Variants in SGCD observed in about 807,000 individuals in gnomAD.
SGCD encodes the protein sarcoglycan delta, also known as delta-sarcoglycan.
Under a neutral mutation model 36.6 loss-of-function variants are expected in SGCD, and 18 were observed. The ratio of observed to expected loss-of-function variants is 0.49; its 90% confidence interval spans 0.34 to 0.73. The LOEUF (loss-of-function observed/expected upper bound fraction) is 0.73. SGCD is among the 30% of genes least tolerant of loss of function. SGCD has a pLI of 0.01. For synonymous variants in SGCD, 133 were observed against 130.6 expected, an observed-to-expected ratio of 1.02 and a Z score of -0.12; for missense variants, 387 against 346.7, an observed-to-expected ratio of 1.12 and a Z score of -0.92.
intron 7 of SGCD, among the ~76,000 whole-genome samples, chr5:156,676,462 C>G (rs150458613): frequency 3.9e-5 from 6 of 152,182 alleles, no homozygotes; most frequent in African/African-American, 1.4e-4. Context: ...ACAGACACTG[C>G]GAATGAGTTC....
intron 3 of SGCD, among the ~76,000 whole-genome samples, chr5:156,257,199 G>C (rs1270090526): frequency 7.2e-6 from 1 of 139,590 alleles, no homozygotes; most frequent in African/African-American, 2.8e-5. Flanking sequence ...AAAAGGCCAG[G>C]CGCAGTGGCT....
chr5:155,736,448 C>G, the SGCD span, among the ~76,000 whole-genome samples: 1 of 152,188 alleles, frequency 6.6e-6, no homozygotes, highest in African/African-American at 2.4e-5. Flanking sequence ...AGAGGTACCT[C>G]TCTTTATTCC....
chr5:156,687,123 C>T (rs1019441988), intron 7 of SGCD, among the ~76,000 whole-genome samples: 1 of 152,150 alleles, frequency 6.6e-6, no homozygotes, highest in African/African-American at 2.4e-5. Flanking sequence ...TATAGAAATA[C>T]ACCACTGTGA....
intron 1 of SGCD, among the ~76,000 whole-genome samples, chr5:156,114,778 G>A (rs1055590792): frequency 6.6e-6 from 1 of 152,024 alleles, no homozygotes; most frequent in African/African-American, 2.4e-5. Context: ...AAATCAAAAT[G>A]TTTAAAGATA....
chr5:156,329,475 A>T, intron 1 of SGCD, 59 bp from the exon 2 acceptor site: 1 of 1,186,222 alleles, frequency 8.4e-7, no homozygotes, highest in Non-Finnish European at 1.3e-6. Flanking sequence ...CAGATTTCCT[A>T]GGCAAGGAGG....
chr5:156,212,730 C>T (rs1372461823), intron 3 of SGCD, among the ~76,000 whole-genome samples: 1 of 151,980 alleles, frequency 6.6e-6, no homozygotes, highest in Non-Finnish European at 1.5e-5. Context: ...AACATTTTCT[C>T]GGATAGATCA....
chr5:155,852,215 A>T, the SGCD span, among the ~76,000 whole-genome samples: 2 of 152,284 alleles, frequency 1.3e-5, no homozygotes, highest in African/African-American at 4.8e-5. Flanking sequence ...TCACTTTCCA[A>T]GGTGCCTTTT....
At chr5:156,615,446 G>T (rs1761983825) in intron 6 of SGCD, among the ~76,000 whole-genome samples, 1 of 152,090 alleles carries the variant, frequency 6.6e-6, no homozygotes, top group Admixed American at 6.5e-5. Context: ...ATTAGCATAA[G>T]ACTTATAGAA....
At position 156,054,102 on chromosome 5, in the gene SGCD, G is replaced by A. The variant is rs2127581956; in HGVS notation, c.-281-63776G>A. Among the ~76,000 whole-genome samples, 4 of 145,762 alleles carry A rather than the reference G, an allele frequency of 2.7e-5. 2 individuals are homozygous for A. The Middle Eastern group carries it at 0.014, about 524-fold the overall frequency. ...ACAAAGGCAAATCATATATATTTGG[G>A]TGGAGATGTCAAGTAAGAAATTGGG... On this transcript the variant is annotated intron_variant, in intron 1 of 9. Transcript: ENST00000517913.
chr5:156,073,156 C>T (rs910740160), intron 1 of SGCD, among the ~76,000 whole-genome samples: 1 of 152,176 alleles, frequency 6.6e-6, no homozygotes, highest in African/African-American at 2.4e-5. Context: ...TTTCTAGTTT[C>T]ATGAATGAAA....
chr5:156,425,413 T>C (rs1773630204), intron 3 of SGCD, among the ~76,000 whole-genome samples: 1 of 152,094 alleles, frequency 6.6e-6, no homozygotes, highest in Non-Finnish European at 1.5e-5. Flanking sequence ...TTTCTTTCTT[T>C]GCTGAACATA....
chr5:156,675,471 T>C (rs1581380444), intron 7 of SGCD, among the ~76,000 whole-genome samples: 1 of 152,282 alleles, frequency 6.6e-6, no homozygotes, highest in African/African-American at 2.4e-5. Context: ...AGGACAGCAA[T>C]AAGACAAGGA....
chr5:156,699,958 G>C (rs32086), intron 7 of SGCD, among the ~76,000 whole-genome samples: 135,708 of 152,254 alleles, frequency 0.89, 60,563 homozygotes, highest in East Asian at 0.99. Flanking sequence ...AACAGTGGGG[G>C]AAAGTGTTTA....
At position 155,933,199 on chromosome 5, in the gene SGCD, G is replaced by A. The variant is rs140037857; in HGVS notation, c.-282+62775G>A. Among the ~76,000 whole-genome samples, 465 of 152,160 alleles carry A rather than the reference G, an allele frequency of 3.1e-3. 2 individuals are homozygous for A. Among genetic ancestry groups the A allele is most frequent in the African/African-American group, 0.011 (443 of 41,504 alleles). On this transcript the variant is annotated intron_variant, in intron 1 of 9. Transcript: ENST00000517913. Reference sequence around the variant, plus strand: ...AGGGGTCTTCTTGGTTTTCAAAAACGTCTAGCTCAGTTCTGCCCCAGGGAT... The same window carrying A: ...AGGGGTCTTCTTGGTTTTCAAAAACATCTAGCTCAGTTCTGCCCCAGGGAT...
intron 7 of SGCD, among the ~76,000 whole-genome samples, chr5:156,696,413 A>G (rs966350633): frequency 2.0e-5 from 3 of 152,170 alleles, no homozygotes; most frequent in Non-Finnish European, 4.4e-5. Flanking sequence ...TCTTACATAA[A>G]TATGTATGCT....
chr5:156,029,908 G>C (rs998277674), intron 1 of SGCD, among the ~76,000 whole-genome samples: 13 of 151,974 alleles, frequency 8.6e-5, no homozygotes, highest in African/African-American at 3.1e-4. Flanking sequence ...TCCAAATCCT[G>C]TCTACTCATT....
At chr5:156,324,822 T>C (rs139171841), upstream of SGCD, among the ~76,000 whole-genome samples, 181 of 152,322 alleles carry the variant, frequency 1.2e-3, 1 homozygote, top group African/African-American at 3.9e-3. Flanking sequence ...AGCAATTTGC[T>C]ACCACTGGCT....
At chr5:156,386,427 G>A (rs1266345668) in intron 3 of SGCD, among the ~76,000 whole-genome samples, 2 of 152,182 alleles carry the variant, frequency 1.3e-5, no homozygotes, top group African/African-American at 2.4e-5. Context: ...CAATACATGT[G>A]GCCAAGGGTT....
chr5:156,224,442 G>C (rs1049698659), intron 3 of SGCD, among the ~76,000 whole-genome samples: 1 of 152,100 alleles, frequency 6.6e-6, no homozygotes, highest in Non-Finnish European at 1.5e-5. Context: ...ACAAACAAAA[G>C]ACCAGATAGA....
Sources: gnomAD v4.1 joint callset for allele counts (sites outside exome capture counted in the v4.1 genomes callset) on GRCh38, gnomAD v4.1.1 for gene constraint, MANE v1.5 for transcripts, NCBI Gene and HGNC (gene_info 2026-07-23, HGNC 2026-07-21) for gene names.